RRN3: variants seen among roughly 807,000 people sequenced by gnomAD.
RRN3 encodes the protein RNA polymerase I transcription factor RRN3, also known as RNA polymerase I-specific transcription initiation factor RRN3.
In RRN3, 38 loss-of-function variants were observed where a neutral mutation model predicts 82.3. The observed-to-expected ratio is 0.46, with a 90% CI of 0.36 to 0.61. The LOEUF (loss-of-function observed/expected upper bound fraction) is 0.61, where lower values mean the gene tolerates loss of function less well. Ranked by LOEUF, RRN3 falls within the 20% of genes least tolerant of loss-of-function variation. The pLI, the probability that RRN3 is intolerant of heterozygous loss-of-function variation, is 0.00. For missense variants in RRN3, 726 were observed against 793.1 expected, an observed-to-expected ratio of 0.92 and a Z score of 1.02; for synonymous variants, 284 against 284.3, an observed-to-expected ratio of 1.00 and a Z score of 0.01.
chr16:15,082,756 C>G (rs2045759076), intron 8 of RRN3, among the ~76,000 whole-genome samples: 1 of 151,902 alleles, frequency 6.6e-6, no homozygotes, highest in Non-Finnish European at 1.5e-5. Flanking sequence ...TTGTATGCTA[C>G]TAGATTCGGT....
chr16:15,088,510 T>C (rs570990014), intron 3 of RRN3, among the ~76,000 whole-genome samples: 42 of 152,084 alleles, frequency 2.8e-4, no homozygotes, highest in African/African-American at 9.2e-4. Context: ...ACACAACTAG[T>C]GCAATTCTTG....
intron 15 of RRN3, among the ~76,000 whole-genome samples, chr16:15,065,745 T>C (rs892185873): frequency 5.3e-5 from 8 of 152,300 alleles, no homozygotes; most frequent in African/African-American, 1.9e-4. Context: ...TTTTTACTGT[T>C]TGCAAAAGAA....
rs1567217411 is a variant in RRN3, at chr16:15,084,662, TA to T, written c.575del (p.Ile192LysfsTer2). The T allele has an allele frequency of 6.2e-7, 1 of 1,612,164 alleles. No homozygotes were observed. Among genetic ancestry groups the T allele is most frequent in the Non-Finnish European group, 8.5e-7 (1 of 1,178,362 alleles). ...CTCACGATGGTACATATCTTGCTAT[TA>T]TTTGCAAGGCTCTGTGACATGTGTC... ...NFDTCHRALQ[I>X]IARYVPSTPW... On this transcript the variant is annotated frameshift_variant, in exon 7 of 18. Coordinates refer to ENST00000198767, the MANE Select transcript of RRN3 (RefSeq NM_018427.5). LOFTEE classifies it high-confidence loss of function.
chr16:15,063,951 T>G (rs574838477), intron 16 of RRN3, among the ~76,000 whole-genome samples: 142 of 152,298 alleles, frequency 9.3e-4, no homozygotes, highest in Non-Finnish European at 1.8e-3. Context: ...CTCTTTTTTA[T>G]ATTTCTGTAG....
chr16:15,081,796 T>G (rs1278305737), intron 8 of RRN3, among the ~76,000 whole-genome samples: 1 of 152,188 alleles, frequency 6.6e-6, no homozygotes, highest in Admixed American at 6.5e-5. Flanking sequence ...AGTTTTACAG[T>G]TTTTACTCTT....
rs1046304979 is a variant in RRN3 at position 15,068,253 on chromosome 16, T to C, written c.1469A>G (p.Asn490Ser). The C allele has an allele frequency of 1.3e-6, 2 of 1,581,748 alleles. No homozygotes were observed. The highest frequency in any genetic ancestry group is 1.4e-5 in the African/African-American group (1 of 72,580). The change falls in exon 15 of 18, where the codon AAT (asparagine) becomes AGT (serine). Residue 490 changes from asparagine to serine, a missense_variant. Coordinates refer to ENST00000198767, the MANE Select transcript of RRN3 (RefSeq NM_018427.5). Reference protein sequence around the residue: ...KEGLQYLQSLNFERIVMSQLN... With the variant: ...KEGLQYLQSLSFERIVMSQLN... ...CTGGCTCATCACTATCCGCTCAAAATTCAGACTCTGAAGATACTGCAAACC... is the reference window on the plus strand; with the variant it reads ...CTGGCTCATCACTATCCGCTCAAAACTCAGACTCTGAAGATACTGCAAACC...
At chr16:15,069,353 G>A (rs1388439192) in intron 14 of RRN3, among the ~76,000 whole-genome samples, 2 of 152,070 alleles carry the variant, frequency 1.3e-5, no homozygotes, top group Admixed American at 6.6e-5. Context: ...CAGAGACCCC[G>A]GTTTAGAGGA....
In RRN3 at chr16:15,086,403, A is replaced by T. The variant is rs1391709384; in HGVS notation, c.304T>A (p.Leu102Met). ...ATAAGTTGCTCAAAGTCTTTTGTCA[A>T]GTACATGATAGAAGAACGGAATTCT... ...LLEFRSSIMY[L>M]TKDFEQLISI... The change falls in exon 4 of 18, where the codon TTG becomes ATG. Residue 102 changes from leucine (L) to methionine (M), a missense_variant. Leu to Met is a conservative substitution (Grantham distance 15, BLOSUM62 2). Coordinates refer to ENST00000198767, the MANE Select transcript of RRN3 (RefSeq NM_018427.5). 1.2e-6 allele frequency: 2 copies of T among 1,613,642 alleles called. No individual in the cohort carries two copies. Among genetic ancestry groups the T allele is most frequent in the Non-Finnish European group, 1.7e-6 (2 of 1,179,780 alleles).
intron 17 of RRN3, among the ~76,000 whole-genome samples, chr16:15,062,381 A>C (rs1482197263): frequency 6.6e-6 from 1 of 152,210 alleles, no homozygotes; most frequent in Non-Finnish European, 1.5e-5. Context: ...ATGAAACATA[A>C]AGAAAAAGAT....
intron 11 of RRN3, 37 bp from the exon 12 acceptor site, chr16:15,073,117 A>G (rs760416535): frequency 1.2e-5 from 19 of 1,595,958 alleles, no homozygotes; most frequent in African/African-American, 1.4e-5. Context: ...TTTTATAAAG[A>G]CATATTTTCA....
chr16:15,092,281 G>A (rs555138160), intron 2 of RRN3, among the ~76,000 whole-genome samples: 1 of 152,204 alleles, frequency 6.6e-6, no homozygotes, highest in African/African-American at 2.4e-5. Context: ...TGAAACCTCA[G>A]TAAAGACATT....
At chr16:15,082,411 G>A (rs1476613535) in intron 8 of RRN3, among the ~76,000 whole-genome samples, 5 of 151,994 alleles carry the variant, frequency 3.3e-5, no homozygotes, top group Non-Finnish European at 7.4e-5. Flanking sequence ...GGTGGTTCAC[G>A]CCTCTAATCC....
At chr16:15,085,592 A>G (rs762582460) in intron 6 of RRN3, 47 bp downstream of exon 6, 1 of 1,598,418 alleles carries the variant, frequency 6.3e-7, no homozygotes, top group Non-Finnish European at 8.5e-7. Flanking sequence ...TGCTGGGATT[A>G]TGGGTGAAAG....
At chr16:15,083,641 A>T in intron 7 of RRN3, 59 bp from the exon 8 acceptor site, 1 of 1,573,606 alleles carries the variant, frequency 6.4e-7, no homozygotes, top group Non-Finnish European at 8.6e-7. Flanking sequence ...AAGGAATAAA[A>T]AGGAAAACTA....
chr16:15,090,801 G>C (rs1480178288), intron 3 of RRN3, among the ~76,000 whole-genome samples: 1 of 151,014 alleles, frequency 6.6e-6, no homozygotes, highest in East Asian at 1.9e-4. Flanking sequence ...GAAGAATGGT[G>C]AAACAAAATG....
chr16:15,072,900 T>G, intron 12 of RRN3, 50 bp downstream of exon 12: 1 of 1,595,780 alleles, frequency 6.3e-7, no homozygotes, highest in Middle Eastern at 1.7e-4. Flanking sequence ...GGAAAATTTT[T>G]GGGCAAAAAC....
chr16:15,088,991 C>A (rs987404293), intron 3 of RRN3, among the ~76,000 whole-genome samples: 3 of 152,012 alleles, frequency 2.0e-5, no homozygotes, highest in Non-Finnish European at 4.4e-5. Flanking sequence ...TGGGTAAATG[C>A]ATCTAACAGA....
chr16:15,077,368 G>C (rs1373587723), intron 9 of RRN3, among the ~76,000 whole-genome samples: 7 of 152,028 alleles, frequency 4.6e-5, no homozygotes, highest in Non-Finnish European at 1.0e-4. Context: ...CATAGGGTAG[G>C]TTTCCCCCAT....
chr16:15,080,729 T>C (rs896511943), intron 8 of RRN3, among the ~76,000 whole-genome samples: 3 of 152,156 alleles, frequency 2.0e-5, no homozygotes, highest in Admixed American at 6.5e-5. Context: ...GCCAGCAATT[T>C]TGTAACATTT....
Sources: gnomAD v4.1 joint callset for allele counts (sites outside exome capture counted in the v4.1 genomes callset) on GRCh38, gnomAD v4.1.1 for gene constraint, MANE v1.5 for transcripts, NCBI Gene and HGNC (gene_info 2026-07-23, HGNC 2026-07-21) for gene names.